The following WDR27 variants were observed in gnomAD, a reference collection of about 807,000 sequenced individuals.
WDR27 encodes the protein WD repeat-containing protein 27.
In WDR27, 100 loss-of-function variants were observed where a neutral mutation model predicts 114.4. The observed-to-expected ratio is 0.87, with a 90% CI of 0.74 to 1.03. The LOEUF (loss-of-function observed/expected upper bound fraction) is 1.03, where lower values mean the gene tolerates loss of function less well. Among genes scored for constraint, WDR27 ranks in the 50% least tolerant of loss-of-function variants. The pLI, the probability that WDR27 is intolerant of heterozygous loss-of-function variation, is 0.00. For synonymous variants in WDR27, 449 were observed against 423.1 expected, an observed-to-expected ratio of 1.06 and a Z score of -0.75; for missense variants, 1,129 against 1,092.9, an observed-to-expected ratio of 1.03 and a Z score of -0.47.
intron 23 of WDR27, among the ~76,000 whole-genome samples, chr6:169,591,255 T>C (rs975121458): frequency 6.6e-6 from 1 of 152,216 alleles, no homozygotes; most frequent in South Asian, 2.1e-4. Flanking sequence ...TGGCCATCTG[T>C]ATGTGTTCTT....
intron 23 of WDR27, among the ~76,000 whole-genome samples, chr6:169,592,374 G>A (rs921925598): frequency 6.6e-6 from 1 of 151,892 alleles, no homozygotes; most frequent in Admixed American, 6.6e-5. Flanking sequence ...TACACTTCTG[G>A]GGGAAAAAAA....
intron 25 of WDR27, among the ~76,000 whole-genome samples, chr6:169,499,036 C>CCCCAT: frequency 6.6e-6 from 1 of 152,300 alleles, no homozygotes; most frequent in East Asian, 1.9e-4. Flanking sequence ...AACAGCAATA[C>CCCCAT]CCCATTACTC....
intron 21 of WDR27, among the ~76,000 whole-genome samples, chr6:169,630,412 A>G (rs1357337453): frequency 6.6e-6 from 1 of 152,230 alleles, no homozygotes; most frequent in African/African-American, 2.4e-5. Flanking sequence ...TACGACCAAG[A>G]TCAGACACAA....
intron 17 of WDR27, among the ~76,000 whole-genome samples, chr6:169,638,905 T>A (rs1461017642): frequency 6.6e-6 from 1 of 152,200 alleles, no homozygotes; most frequent in East Asian, 1.9e-4. Flanking sequence ...TCACGTTCCA[T>A]TTTTTCAACT....
intron 18 of WDR27, among the ~76,000 whole-genome samples, chr6:169,637,945 AGT>A (rs1349097906): frequency 6.6e-6 from 1 of 152,172 alleles, no homozygotes; most frequent in Non-Finnish European, 1.5e-5. Context: ...CAAGTATGTA[AGT>A]GTGCGTATGT....
At chr6:169,618,268 A>C (rs1217949394) in intron 21 of WDR27, among the ~76,000 whole-genome samples, 1 of 152,224 alleles carries the variant, frequency 6.6e-6, no homozygotes, top group Non-Finnish European at 1.5e-5. Flanking sequence ...TTTTTAATTA[A>C]AATTAGCTGT....
intron 21 of WDR27, among the ~76,000 whole-genome samples, chr6:169,614,423 C>T (rs912703834): frequency 1.3e-5 from 2 of 152,148 alleles, no homozygotes; most frequent in Non-Finnish European, 2.9e-5. Context: ...CAGTGGCTTA[C>T]ACCTGTAATC....
Position 169,530,963 on chromosome 6 carries a change from C to G in WDR27, c.2645+41456G>C, listed in dbSNP as rs117388588. On this transcript the variant is annotated intron_variant, in intron 25 of 25. Transcript: ENST00000448612. Reference sequence around the variant, plus strand: ...CTGATGTCTGGTCTGATCTCAGCCTCCCACACATAGCAGTGGCTTTGTATC... The same window carrying G: ...CTGATGTCTGGTCTGATCTCAGCCTGCCACACATAGCAGTGGCTTTGTATC... 3.2e-3 allele frequency among the ~76,000 whole-genome samples: 495 copies of G among 152,308 alleles called. 6 individuals carry two copies. The highest frequency in any genetic ancestry group is 0.03 in the East Asian group (153 of 5,176).
chr6:169,461,223 C>T (rs182320499), intron 25 of WDR27, among the ~76,000 whole-genome samples: 125 of 152,180 alleles, frequency 8.2e-4, no homozygotes, highest in African/African-American at 3.0e-3. Context: ...GACAACCAGA[C>T]AGAACATAGG....
At position 169,642,375 on chromosome 6, in the gene WDR27, A is replaced by G. The variant is rs368894334; in HGVS notation, c.1747+1322T>C. Among the ~76,000 whole-genome samples the G allele has an allele frequency of 2.1e-4, 31 of 150,544 alleles. No homozygotes were observed. The South Asian group carries it at 3.8e-3, about 18-fold the overall frequency. On this transcript the variant is annotated intron_variant, in intron 17 of 25. Coordinates refer to ENST00000448612, the MANE Select transcript of WDR27 (RefSeq NM_182552.5). ...AAAACCCACTACATTTTTTCAGTTT[A>G]GTGAGAAGCCCTTTTTCCAACAATA...
At chr6:169,590,217 C>G (rs565100178) in intron 23 of WDR27, among the ~76,000 whole-genome samples, 2 of 152,282 alleles carry the variant, frequency 1.3e-5, no homozygotes, top group East Asian at 3.9e-4. Flanking sequence ...ACCTTCATTT[C>G]CCTTTACCCA....
the WDR27 span, among the ~76,000 whole-genome samples, chr6:169,427,318 A>T: frequency 5.3e-4 from 80 of 152,240 alleles, no homozygotes; most frequent in African/African-American, 1.9e-3. Flanking sequence ...TGGGATTTAG[A>T]GTGTGATGAC....
intron 23 of WDR27, among the ~76,000 whole-genome samples, chr6:169,584,675 G>A (rs926289361): frequency 7.2e-5 from 11 of 152,080 alleles, no homozygotes; most frequent in African/African-American, 1.9e-4. Flanking sequence ...GCACCTTTTC[G>A]TATAGCTTTT....
chr6:169,426,965 G>T, the WDR27 span: 1 of 144,476 alleles, frequency 6.9e-6, no homozygotes, highest in Non-Finnish European at 1.5e-5. Context: ...CTGTGGTGGT[G>T]GGGGCAGTGG....
At chr6:169,534,547 A>G (rs1275892680) in intron 25 of WDR27, among the ~76,000 whole-genome samples, 1 of 152,002 alleles carries the variant, frequency 6.6e-6, no homozygotes, top group African/African-American at 2.4e-5. Context: ...TTTTATTATT[A>G]TTACTAAGTT....
intron 25 of WDR27, among the ~76,000 whole-genome samples, chr6:169,496,815 A>G (rs1019398138): frequency 6.6e-6 from 1 of 152,174 alleles, no homozygotes; most frequent in African/African-American, 2.4e-5. Context: ...ATGGAAACAT[A>G]TTCCATGTTC....
At chr6:169,696,525 T>C (rs1786044840) in intron 1 of WDR27, among the ~76,000 whole-genome samples, 2 of 152,328 alleles carry the variant, frequency 1.3e-5, no homozygotes, top group Non-Finnish European at 2.9e-5. Flanking sequence ...GGTGAAAGGT[T>C]TGGGGTCAGA....
intron 22 of WDR27, among the ~76,000 whole-genome samples, chr6:169,608,989 T>C (rs1004978860): frequency 6.6e-6 from 1 of 152,242 alleles, no homozygotes; most frequent in African/African-American, 2.4e-5. Flanking sequence ...CATTCAAGTA[T>C]GAAATCCAGT....
At chr6:169,649,137 A>G in intron 15 of WDR27, 61 bp downstream of exon 15, 2 of 1,388,264 alleles carry the variant, frequency 1.4e-6, no homozygotes, top group South Asian at 2.5e-5. Flanking sequence ...AGAACCAGTT[A>G]AAGTGTTGGA....
Sources: allele counts gnomAD v4.1 joint callset (sites outside exome capture counted in the v4.1 genomes callset), GRCh38; gene constraint gnomAD v4.1.1; transcripts MANE v1.5; gene names NCBI Gene and HGNC (gene_info 2026-07-23, HGNC 2026-07-21).